Variants in DNAH17 observed in about 807,000 individuals in gnomAD.
DNAH17 encodes the protein dynein axonemal heavy chain 17, also known as axonemal beta dynein heavy chain 17.
A neutral mutation model predicts 485.6 loss-of-function variants in DNAH17; 376 were observed. That is an observed-to-expected ratio of 0.77 (90% CI 0.71 to 0.84). The LOEUF is 0.84. Ranked by LOEUF, DNAH17 falls within the 40% of genes least tolerant of loss-of-function variation. The pLI, the probability that DNAH17 is intolerant of heterozygous loss-of-function variation, is 0.00. For synonymous variants in DNAH17, 3,031 were observed against 2,405.9 expected, an observed-to-expected ratio of 1.26 and a Z score of -7.60; for missense variants, 6,370 against 5,839.3, an observed-to-expected ratio of 1.09 and a Z score of -2.96.
chr17:78,531,398 G>T (rs1200581341), intron 20 of DNAH17, among the ~76,000 whole-genome samples: 2 of 148,744 alleles, frequency 1.3e-5, no homozygotes, highest in African/African-American at 5.0e-5. Flanking sequence ...GAGTGCAGTG[G>T]CGTGATCTTG....
At position 78,461,646 on chromosome 17, in the gene DNAH17, G is replaced by A. The variant is rs764006228; in HGVS notation, c.9237C>T (p.Ser3079=). The A allele has an allele frequency of 6.9e-5, 112 of 1,611,640 alleles. No individual in the cohort carries two copies. Among genetic ancestry groups the A allele is most frequent in the Non-Finnish European group, 9.0e-5 (106 of 1,179,220 alleles). Residue 3079 remains serine (S), a synonymous_variant, in exon 58 of 81, where the codon AGC becomes AGT. Coordinates refer to ENST00000389840, the MANE Select transcript of DNAH17 (RefSeq NM_173628.4). The part of the protein sequence containing the change: ...QEAELKQKNE[S]ADQLIQVVGI... Reference sequence around the variant, plus strand: ...CGACCACCTGGATCAGTTGGTCTGCGCTCTCATTCTTCTGCTTGAGCTCAG... The same window carrying A: ...CGACCACCTGGATCAGTTGGTCTGCACTCTCATTCTTCTGCTTGAGCTCAG...
intron 72 of DNAH17, among the ~76,000 whole-genome samples, chr17:78,440,004 A>G (rs1170817870): frequency 6.6e-6 from 1 of 150,516 alleles, no homozygotes; most frequent in Non-Finnish European, 1.5e-5. Context: ...CAACTCTGTC[A>G]CCTAGCCTGA....
At chr17:78,575,124 C>A in intron 1 of DNAH17, 42 bp from the exon 2 acceptor site, 1 of 1,339,168 alleles carries the variant, frequency 7.5e-7, no homozygotes, top group Non-Finnish European at 1.0e-6. Flanking sequence ...GTCTCCCGGG[C>A]TCCCCAATTT....
chr17:78,518,498 G>A (rs575099630), intron 25 of DNAH17, among the ~76,000 whole-genome samples: 1 of 152,238 alleles, frequency 6.6e-6, no homozygotes, highest in East Asian at 1.9e-4. Flanking sequence ...AATACACAAA[G>A]CAAAAACTGA....
At chr17:78,472,639 G>T in intron 54 of DNAH17, 1 of 439,592 alleles carries the variant, frequency 2.3e-6, no homozygotes, top group Non-Finnish European at 4.6e-6. Flanking sequence ...TGTGGGGTGT[G>T]GGGAGGGGAG....
chr17:78,543,682 C>G (rs2091667598), intron 17 of DNAH17, 175 bp downstream of exon 17: 9 of 947,212 alleles, frequency 9.5e-6, no homozygotes, highest in Non-Finnish European at 1.5e-5. Context: ...GACTCAGCCT[C>G]CCAGAGTGCT....
intron 54 of DNAH17, among the ~76,000 whole-genome samples, chr17:78,469,567 T>G (rs766418942): frequency 6.6e-6 from 1 of 152,046 alleles, no homozygotes; most frequent in Admixed American, 6.6e-5. Flanking sequence ...CTGAGCAACA[T>G]AGCAAGACCT....
intron 67 of DNAH17, 101 bp downstream of exon 67, chr17:78,450,581 A>C: frequency 6.8e-7 from 1 of 1,475,462 alleles, no homozygotes. Context: ...CGTATGACCG[A>C]AGCTGCTTTT....
At chr17:78,535,019 C>T (rs1204603808) in intron 19 of DNAH17, among the ~76,000 whole-genome samples, 1 of 152,182 alleles carries the variant, frequency 6.6e-6, no homozygotes, top group Non-Finnish European at 1.5e-5. Flanking sequence ...CCAGGTAAGA[C>T]TCTGCTAGAC....
At chr17:78,520,054 T>C (rs912263132) in intron 25 of DNAH17, among the ~76,000 whole-genome samples, 1 of 151,994 alleles carries the variant, frequency 6.6e-6, no homozygotes, top group Non-Finnish European at 1.5e-5. Flanking sequence ...GAGGTTGCAG[T>C]GAGCCAAAAT....
intron 71 of DNAH17, among the ~76,000 whole-genome samples, chr17:78,441,649 G>T (rs1159514722): frequency 6.6e-6 from 1 of 152,156 alleles, no homozygotes; most frequent in Non-Finnish European, 1.5e-5. Flanking sequence ...AATAAGTCTG[G>T]GGTCAGTCGG....
intron 19 of DNAH17, among the ~76,000 whole-genome samples, chr17:78,536,524 T>A (rs2091378306): frequency 6.6e-6 from 1 of 151,220 alleles, no homozygotes; most frequent in South Asian, 2.1e-4. Context: ...TACAAAAAAA[T>A]ACATCACCAA....
At chr17:78,561,653 C>G in intron 12 of DNAH17, 62 bp downstream of exon 12, 1 of 1,516,970 alleles carries the variant, frequency 6.6e-7, no homozygotes, top group Non-Finnish European at 8.8e-7. Context: ...TTGGGACAGT[C>G]CCTCTCGCTC....
chr17:78,459,331 C>A, intron 60 of DNAH17, 123 bp from the exon 61 acceptor site: 2 of 955,512 alleles, frequency 2.1e-6, no homozygotes, highest in East Asian at 2.4e-5. Context: ...GGGATTCACA[C>A]AGTCAGGCTG....
chr17:78,551,018 A>C (rs1598709560), intron 16 of DNAH17, among the ~76,000 whole-genome samples: 1 of 152,226 alleles, frequency 6.6e-6, no homozygotes, highest in African/African-American at 2.4e-5. Flanking sequence ...CAGGAGTTCA[A>C]GACCAGCCTG....
intron 51 of DNAH17, among the ~76,000 whole-genome samples, chr17:78,478,567 G>A (rs1202861465): frequency 7.1e-6 from 1 of 140,234 alleles, no homozygotes; most frequent in Non-Finnish European, 1.5e-5. Context: ...CCATCATCAT[G>A]ACCATCACCA....
At chr17:78,510,317 A>G (rs2090598920) in intron 27 of DNAH17, 67 bp downstream of exon 27, 2 of 1,586,684 alleles carry the variant, frequency 1.3e-6, no homozygotes, top group South Asian at 2.2e-5. Context: ...GGGCGCTCTC[A>G]GTGGTTGGAG....
rs1259903624 is a variant in DNAH17 at position 78,453,390 on chromosome 17, G to A, written c.10482C>T (p.Asp3494=). ...TGCCCAGTAGAGGGTCCAGCACGGG[G>A]TCCACGGTTTCGCCGATGTTCTCAA... ...LLIENIGETV[D]PVLDPLLGRN... The change falls in exon 65 of 81, where the codon GAC becomes GAT. Residue 3494 remains aspartate, a synonymous_variant. Coordinates refer to ENST00000389840, the MANE Select transcript of DNAH17 (RefSeq NM_173628.4). 3.1e-6 allele frequency: 5 copies of A among 1,613,840 alleles called. No individual in the cohort carries two copies. Among genetic ancestry groups the A allele is most frequent in the Middle Eastern group, 1.6e-4 (1 of 6,062 alleles).
chr17:78,506,098 A>C (rs1317826109), intron 30 of DNAH17, among the ~76,000 whole-genome samples: 3 of 151,170 alleles, frequency 2.0e-5, no homozygotes, highest in Non-Finnish European at 4.4e-5. Flanking sequence ...CTCTAACCTT[A>C]CGGTCAAAAT....
Sources: gnomAD v4.1 joint callset for allele counts (sites outside exome capture counted in the v4.1 genomes callset) on GRCh38, gnomAD v4.1.1 for gene constraint, MANE v1.5 for transcripts, NCBI Gene and HGNC (gene_info 2026-07-23, HGNC 2026-07-21) for gene names.